FOXP2: variants seen among roughly 807,000 people sequenced by gnomAD.
FOXP2 encodes forkhead box P2, also known as forkhead box protein P2.
FOXP2 carries 12 observed loss-of-function variants against 115.8 expected under a neutral mutation model. The observed-to-expected ratio is 0.10, with a 90% confidence interval of 0.07 to 0.17. FOXP2 has a LOEUF of 0.17. FOXP2 is among the 10% of genes least tolerant of loss of function. The pLI is 1.00. For synonymous variants in FOXP2, 328 were observed against 297.7 expected, an observed-to-expected ratio of 1.10 and a Z score of -1.05; for missense variants, 629 against 843.5, an observed-to-expected ratio of 0.75 and a Z score of 3.15.
intron 2 of FOXP2, among the ~76,000 whole-genome samples, chr7:114,336,897 A>C (rs984192011): frequency 6.6e-6 from 1 of 151,548 alleles, no homozygotes; most frequent in African/African-American, 2.4e-5. Flanking sequence ...TTTTCAGGAC[A>C]AATTTCACAC....
chr7:114,117,161 T>A (rs770705864), intron 1 of FOXP2, among the ~76,000 whole-genome samples: 3 of 151,946 alleles, frequency 2.0e-5, no homozygotes, highest in Non-Finnish European at 4.4e-5. Context: ...TTTTATTTAT[T>A]ATAGAATTGT....
chr7:114,276,925 T>G (rs1344164396), intron 1 of FOXP2, among the ~76,000 whole-genome samples: 2 of 152,178 alleles, frequency 1.3e-5, no homozygotes, highest in African/African-American at 4.8e-5. Context: ...TCAATAAAAC[T>G]TTATTAATCT....
intron 14 of FOXP2, among the ~76,000 whole-genome samples, chr7:114,663,069 CATTA>C (rs1164009729): frequency 6.6e-6 from 1 of 151,940 alleles, no homozygotes; most frequent in African/African-American, 2.4e-5. Flanking sequence ...AGAAATTAAC[CATTA>C]ATTATTTCCT....
At chr7:114,628,828 A>G in intron 4 of FOXP2, 151 bp downstream of exon 4, 1 of 888,474 alleles carries the variant, frequency 1.1e-6, no homozygotes, top group Non-Finnish European at 1.7e-6. Context: ...TTTTAATTAT[A>G]GAACTCGTAA....
At chr7:114,411,330 C>G (rs1329351169), upstream of FOXP2, among the ~76,000 whole-genome samples, 1 of 152,082 alleles carries the variant, frequency 6.6e-6, no homozygotes, top group Non-Finnish European at 1.5e-5. Flanking sequence ...TGAAATTTTT[C>G]CCACTCAAGT....
At chr7:114,148,554 G>C (rs1043827174) in intron 1 of FOXP2, among the ~76,000 whole-genome samples, 1 of 152,166 alleles carries the variant, frequency 6.6e-6, no homozygotes, top group African/African-American at 2.4e-5. Context: ...TTTTGCATTA[G>C]TTGGTGCAGA....
In FOXP2 at chr7:114,631,522, T is replaced by TA; in HGVS notation, c.598-5dup. 14 of 1,560,360 alleles carry TA rather than the reference T, an allele frequency of 9.0e-6. No homozygotes were observed. Among genetic ancestry groups the TA allele is most frequent in the Non-Finnish European group, 1.2e-5 (14 of 1,151,784 alleles). On this transcript the variant is annotated splice_region_variant and splice_polypyrimidine_tract_variant and intron_variant, in intron 5 of 16. Coordinates refer to ENST00000350908, the MANE Select transcript of FOXP2 (RefSeq NM_014491.4). The stretch of plus-strand genomic sequence containing the variant: ...CTGTTTACTGGTTTGGGTTTTCTGA[T>TA]ACCAGCAGCAGCAGCAGCAGCAGCA...
intron 1 of FOXP2, among the ~76,000 whole-genome samples, chr7:114,165,123 C>T (rs187764302): frequency 3.2e-4 from 49 of 152,136 alleles, no homozygotes; most frequent in African/African-American, 1.2e-3. Flanking sequence ...ATGTTGGAAA[C>T]ATTCTGTTTG....
chr7:114,641,608 G>A (rs1168438186), intron 6 of FOXP2, among the ~76,000 whole-genome samples: 1 of 151,724 alleles, frequency 6.6e-6, no homozygotes, highest in Non-Finnish European at 1.5e-5. Flanking sequence ...TGAGTTGAGT[G>A]TTCACTGTTT....
intron 2 of FOXP2, among the ~76,000 whole-genome samples, chr7:114,428,230 A>G (rs1289223089): frequency 6.6e-6 from 1 of 151,662 alleles, no homozygotes; most frequent in Non-Finnish European, 1.5e-5. Context: ...GTTGAGTATC[A>G]GTAGATGATA....
intron 1 of FOXP2, among the ~76,000 whole-genome samples, chr7:114,098,151 C>T (rs118145226): frequency 0.01 from 1,529 of 152,224 alleles, 13 homozygotes; most frequent in Non-Finnish European, 0.017. Context: ...TGAAATGTAA[C>T]AGAAACCGGG....
chr7:114,203,266 C>T (rs1794118086), intron 1 of FOXP2, among the ~76,000 whole-genome samples: 1 of 152,166 alleles, frequency 6.6e-6, no homozygotes, highest in Non-Finnish European at 1.5e-5. Context: ...CCCAGTCTTT[C>T]TACCTATATT....
chr7:114,426,931 T>C (rs1793881538), intron 2 of FOXP2, among the ~76,000 whole-genome samples: 1 of 151,672 alleles, frequency 6.6e-6, no homozygotes, highest in African/African-American at 2.4e-5. Flanking sequence ...TTGGAAGGTC[T>C]GTAAAGCTTT....
intron 1 of FOXP2, among the ~76,000 whole-genome samples, chr7:114,127,983 A>G (rs568167583): frequency 1.2e-4 from 18 of 152,342 alleles, no homozygotes; most frequent in African/African-American, 4.3e-4. Context: ...TAGTAATGAT[A>G]TAAATTTTCT....
chr7:114,359,867 A>T (rs1791704370), intron 2 of FOXP2, among the ~76,000 whole-genome samples: 1 of 152,110 alleles, frequency 6.6e-6, no homozygotes, highest in Non-Finnish European at 1.5e-5. Context: ...GTCTCAGATG[A>T]GACATTGGAC....
chr7:114,312,291 T>A (rs1426687216), intron 2 of FOXP2, among the ~76,000 whole-genome samples: 1 of 152,138 alleles, frequency 6.6e-6, no homozygotes. Context: ...TCTTTTTGCT[T>A]TTAGAAGAGT....
At chr7:114,166,936 G>T (rs1792998701) in intron 1 of FOXP2, among the ~76,000 whole-genome samples, 1 of 152,160 alleles carries the variant, frequency 6.6e-6, no homozygotes, top group African/African-American at 2.4e-5. Flanking sequence ...TGATGGTGAG[G>T]ATGTGGAGCA....
rs188754230 is a variant in FOXP2 at position 114,321,014 on chromosome 7, G to A, written c.-11+32905G>A. Among the ~76,000 whole-genome samples the A allele has an allele frequency of 4.5e-3, 680 of 152,052 alleles. 5 individuals carry two copies. The highest frequency in any genetic ancestry group is 0.016 in the African/African-American group (646 of 41,490). ...ATAATTTGCTTTGGATTATTTCACCGTTGTTTGAACTTTTCCAGACAAGGA... is the reference window on the plus strand; with the variant it reads ...ATAATTTGCTTTGGATTATTTCACCATTGTTTGAACTTTTCCAGACAAGGA... On this transcript the variant is annotated intron_variant, in intron 2 of 17. Coordinates refer to the FOXP2 transcript ENST00000634411.
intron 1 of FOXP2, among the ~76,000 whole-genome samples, chr7:114,181,039 T>C (rs1270217756): frequency 6.6e-6 from 1 of 151,880 alleles, no homozygotes; most frequent in African/African-American, 2.4e-5. Flanking sequence ...TGTGCCTGTC[T>C]CTCTATCATC....
Sources: gnomAD v4.1 joint callset for allele counts (sites outside exome capture counted in the v4.1 genomes callset) on GRCh38, gnomAD v4.1.1 for gene constraint, MANE v1.5 for transcripts, NCBI Gene and HGNC (gene_info 2026-07-23, HGNC 2026-07-21) for gene names.